Variants in NBPF19 observed in about 807,000 individuals in gnomAD.
The protein encoded by NBPF19 is NBPF member 19, also known as NBPF family member NBPF19.
A neutral mutation model predicts 45.9 loss-of-function variants in NBPF19; 30 were observed. The observed-to-expected ratio is 0.65, with a 90% CI of 0.49 to 0.89. NBPF19 has a LOEUF of 0.89. Ranked by LOEUF, NBPF19 falls within the 40% of genes least tolerant of loss-of-function variation. The probability of loss-of-function intolerance (pLI) is 0.00; values close to 1 mark genes in which losing one functional copy is unlikely to be tolerated. For synonymous variants in NBPF19, 183 were observed against 181.2 expected (o/e 1.01, Z -0.08); for missense variants, 495 against 471.8 (o/e 1.05, Z -0.46).
intron 9 of NBPF19, among the ~76,000 whole-genome samples, chr1:149,487,663 T>G (rs2085650776): frequency 6.7e-6 from 1 of 150,198 alleles, no homozygotes; most frequent in Admixed American, 6.6e-5. Context: ...GCAAAATTAT[T>G]GAGGACATGC....
In NBPF19 at chr1:149,554,871, T is replaced by A; in HGVS notation, c.*133T>A. 1.3e-6 allele frequency: 2 copies of A among 1,493,728 alleles called. No individual in the cohort carries two copies. Among genetic ancestry groups the A allele is most frequent in the Non-Finnish European group, 1.8e-6 (2 of 1,100,158 alleles). 92.5% of individuals were successfully genotyped at this position (1,493,728 alleles called of 1,614,324 possible). A position where few individuals can be genotyped will look rare whatever the true frequency, so the allele number is the denominator to read the frequency against. ...GTCAGTGGGCATGGCTCTTTTCCTA[T>A]TCTCAAACCATGCCAGTGGCAACCT... On this transcript the variant is annotated 3_prime_UTR_variant, in exon 94 of 94. Transcript: ENST00000651566.
Position 149,554,901 on chromosome 1 carries a change from T to G in NBPF19, c.*163T>G. The stretch of plus-strand genomic sequence containing the variant: ...AAACCATGCCAGTGGCAACCTGTGC[T>G]CAGTCTGAAGACAATGGACCCACGT... On this transcript the variant is annotated 3_prime_UTR_variant, in exon 94 of 94. Coordinates refer to ENST00000651566, the MANE Select transcript of NBPF19 (RefSeq NM_001351365.2). 7.4e-7 allele frequency: 1 copy of G among 1,349,302 alleles called. No individual in the cohort carries two copies. The highest frequency in any genetic ancestry group is 1.0e-6 in the Non-Finnish European group (1 of 978,476). 83.6% of individuals were successfully genotyped at this position (1,349,302 alleles called of 1,614,324 possible).
chr1:149,528,919 C>A (rs1296347786), intron 61 of NBPF19, among the ~76,000 whole-genome samples: 2 of 128,092 alleles, frequency 1.6e-5, no homozygotes, highest in Admixed American at 7.9e-5. Flanking sequence ...GTCACCTGGA[C>A]AATTCACTGA....
At chr1:149,486,823 C>G (rs1447448639) in intron 8 of NBPF19, among the ~76,000 whole-genome samples, 5 of 150,430 alleles carry the variant, frequency 3.3e-5, no homozygotes, top group East Asian at 2.0e-4. Flanking sequence ...CCGTCATGTT[C>G]CTGGTATGTT....
At position 149,554,918 on chromosome 1, in the gene NBPF19, G is replaced by A; in HGVS notation, c.*180G>A. The stretch of plus-strand genomic sequence containing the variant: ...ACCTGTGCTCAGTCTGAAGACAATG[G>A]ACCCACGTTAGGTGTGACACGTTCA... On this transcript the variant is annotated 3_prime_UTR_variant, in exon 94 of 94. Coordinates refer to ENST00000651566, the MANE Select transcript of NBPF19 (RefSeq NM_001351365.2). The A allele has an allele frequency of 1.8e-6, 2 of 1,126,838 alleles. No individual in the cohort carries two copies. Among genetic ancestry groups the A allele is most frequent in the Non-Finnish European group, 2.5e-6 (2 of 785,344 alleles). The allele number at this position is 1,126,838 out of a possible 1,614,324, so 69.8% of individuals were successfully genotyped here.
chr1:149,487,140 G>C (rs1427690794), intron 8 of NBPF19, among the ~76,000 whole-genome samples, 192 bp from the exon 9 acceptor site: 2 of 150,936 alleles, frequency 1.3e-5, no homozygotes, highest in Non-Finnish European at 3.0e-5. Flanking sequence ...GGGGAATTTT[G>C]CCCAAGGCTC....
intron 8 of NBPF19, among the ~76,000 whole-genome samples, chr1:149,486,538 A>G (rs2085513883): frequency 6.6e-6 from 1 of 151,438 alleles, no homozygotes; most frequent in African/African-American, 2.4e-5. Context: ...GACTGTCACG[A>G]CATTGAACTC....
chr1:149,481,473 A>AT (rs1190866284), intron 6 of NBPF19, among the ~76,000 whole-genome samples: 21,276 of 66,870 alleles, frequency 0.32, 1,080 homozygotes, highest in African/African-American at 0.35. Context: ...AGCATCGTGG[A>AT]TTTTTTTTTT....
intron 4 of NBPF19, 88 bp downstream of exon 4, chr1:149,479,182 A>G (rs1306949924): frequency 6.4e-7 from 1 of 1,568,404 alleles, no homozygotes; most frequent in African/African-American, 1.4e-5. Flanking sequence ...CAGTTATATC[A>G]GTGGGGTTTT....
intron 17 of NBPF19, 134 bp from the exon 18 acceptor site, chr1:149,494,184 T>G: frequency 1.9e-6 from 1 of 518,264 alleles, no homozygotes; most frequent in East Asian, 3.8e-5. Flanking sequence ...ATAAAGGCAA[T>G]AATTCATTAC....
intron 7 of NBPF19, among the ~76,000 whole-genome samples, chr1:149,483,478 T>G (rs2085325180): frequency 8.6e-6 from 1 of 116,566 alleles, no homozygotes; most frequent in Non-Finnish European, 1.8e-5. Context: ...TCTTGACTCT[T>G]TATCCAATTT....
In NBPF19 at chr1:149,488,112, C is replaced by T. The variant is rs1237550650; in HGVS notation, c.1140C>T (p.Asp380=). The T allele has an allele frequency of 1.5e-6, 1 of 666,532 alleles. No individual in the cohort carries two copies. Among genetic ancestry groups the T allele is most frequent in the Middle Eastern group, 4.0e-4 (1 of 2,524 alleles). The allele number at this position is 666,532 out of a possible 1,614,324, so 41.3% of individuals were successfully genotyped here. A position where few individuals can be genotyped will look rare whatever the true frequency, so the allele number is the denominator to read the frequency against. The part of the protein sequence containing the change: ...STPSGCLELT[D]SCQPYRSAFY... ...CTTCAGGTTGTCTTGAACTGACTGA[C>T]TCATGCCAGCCCTACAGAAGTGCCT... Residue 380 remains aspartate, a synonymous_variant, in exon 10 of 94, where the codon GAC becomes GAT. Transcript: ENST00000651566.
chr1:149,478,456 CT>C (rs2084980525), intron 3 of NBPF19, among the ~76,000 whole-genome samples: 1 of 151,276 alleles, frequency 6.6e-6, no homozygotes, highest in Admixed American at 6.6e-5. Flanking sequence ...CCCTGTCCTT[CT>C]TTTCTTCTTT....
chr1:149,555,092 G>T lies in NBPF19; in HGVS notation c.*354G>T. ...CCTGCTCAAGGTCAGTGTCATCTTTGTGTTTAGCTCATCCAAAGGTGTTAC... is the reference window on the plus strand; with the variant it reads ...CCTGCTCAAGGTCAGTGTCATCTTTTTGTTTAGCTCATCCAAAGGTGTTAC... On this transcript the variant is annotated 3_prime_UTR_variant, in exon 94 of 94. Coordinates refer to ENST00000651566, the MANE Select transcript of NBPF19 (RefSeq NM_001351365.2). 1 of 343,912 alleles carries T rather than the reference G, an allele frequency of 2.9e-6. No individual in the cohort carries two copies. Among genetic ancestry groups the T allele is most frequent in the South Asian group, 2.9e-5 (1 of 34,396 alleles). The allele number at this position is 343,912 out of a possible 1,614,324, so 21.3% of individuals were successfully genotyped here. A position where few individuals can be genotyped will look rare whatever the true frequency, so the allele number is the denominator to read the frequency against.
intron 4 of NBPF19, 125 bp downstream of exon 4, chr1:149,479,219 C>G (rs2085021775): frequency 7.7e-7 from 1 of 1,292,884 alleles, no homozygotes. Context: ...GTGGCCATGA[C>G]ATGATCAGGA....
Position 149,486,190 on chromosome 1 carries a change from G to A in NBPF19, c.885G>A (p.Ser295=), listed in dbSNP as rs1275225894. The change falls in exon 8 of 94, where the codon TCG becomes TCA. Residue 295 remains serine, a synonymous_variant. Coordinates refer to ENST00000651566, the MANE Select transcript of NBPF19 (RefSeq NM_001351365.2). ...AGGAGTCCTGGGATGAAGGTTATTC[G>A]ACTCTCTCAATTCCTCCTGAAATGT... ...VPQESWDEGY[S]TLSIPPEMLA... The A allele has an allele frequency of 7.2e-5, 35 of 485,356 alleles. No homozygotes were observed. Among genetic ancestry groups the A allele is most frequent in the Admixed American group, 4.9e-4 (12 of 24,312 alleles). The allele number at this position is 485,356 out of a possible 1,614,324, so 30.1% of individuals were successfully genotyped here.
chr1:149,519,610 C>G, intron 49 of NBPF19, 78 bp from the exon 50 acceptor site: 1 of 57,992 alleles, frequency 1.7e-5, no homozygotes, highest in Non-Finnish European at 2.8e-5. Context: ...CTTCCCTATG[C>G]TACCCATGAA....
chr1:149,554,662 T>C lies in NBPF19; in HGVS notation c.11456T>C (p.Leu3819Ser). The C allele has an allele frequency of 5.0e-6, 8 of 1,608,258 alleles. No homozygotes were observed. In the Middle Eastern group the frequency reaches 1.1e-3, roughly 227 times the overall value. ...EEEHISFALY[L>S]DNRFFTLTVT... ...GAGCATATCAGCTTCGCCCTTTACT[T>C]GGACAATAGGTTTTTTACTTTGACG... is the stretch of plus-strand genomic sequence containing the variant. Residue 3819 changes from leucine (L) to serine (S), a missense_variant, in exon 94 of 94, where the codon TTG (leucine) becomes TCG (serine). Coordinates refer to ENST00000651566, the MANE Select transcript of NBPF19 (RefSeq NM_001351365.2).
In NBPF19 at chr1:149,494,193, A is replaced by T. The variant is rs2085994528; in HGVS notation, c.1998-125A>T. On this transcript the variant is annotated intron_variant, in intron 17 of 93. Coordinates refer to ENST00000651566, the MANE Select transcript of NBPF19 (RefSeq NM_001351365.2). ...CCCAACATAAAGGCAATAATTCATT[A>T]CCTCATTAATGGATCTGTCCTTTTT... is the stretch of plus-strand genomic sequence containing the variant. 3 of 494,788 alleles carry T rather than the reference A, an allele frequency of 6.1e-6. No homozygotes were observed. In the South Asian group the frequency reaches 6.1e-5, roughly 10 times the overall value. The allele number at this position is 494,788 out of a possible 1,614,324, so 30.6% of individuals were successfully genotyped here. A position where few individuals can be genotyped will look rare whatever the true frequency, so the allele number is the denominator to read the frequency against.
Sources: allele counts gnomAD v4.1 joint callset (sites outside exome capture counted in the v4.1 genomes callset), GRCh38; gene constraint gnomAD v4.1.1; transcripts MANE v1.5; gene names NCBI Gene and HGNC (gene_info 2026-07-23, HGNC 2026-07-21).